The following GLIS3 variants were observed in gnomAD, a reference collection of about 807,000 sequenced individuals.
GLIS3 encodes zinc finger protein GLIS3.
GLIS3 carries 53 observed loss-of-function variants against 78.6 expected under a neutral mutation model. That is an observed-to-expected ratio of 0.67 (90% CI 0.54 to 0.85). GLIS3 has a LOEUF of 0.85. Among genes scored for constraint, GLIS3 ranks in the 40% least tolerant of loss-of-function variants. GLIS3 has a pLI of 0.00. For missense variants in GLIS3, 1,703 were observed against 1,231.1 expected (o/e 1.38, Z -5.74); for synonymous variants, 684 against 509.9 (o/e 1.34, Z -4.60).
At chr9:4,074,485 C>A (rs185499028) in intron 4 of GLIS3, among the ~76,000 whole-genome samples, 72 of 152,324 alleles carry the variant, frequency 4.7e-4, no homozygotes, top group Non-Finnish European at 8.8e-4. Context: ...CATCCCGGTT[C>A]TCCATCTCTT....
intron 2 of GLIS3, among the ~76,000 whole-genome samples, chr9:4,235,802 C>T (rs1163253640): frequency 6.6e-6 from 1 of 152,124 alleles, no homozygotes; most frequent in Non-Finnish European, 1.5e-5. Context: ...AATAACATGG[C>T]TGTGCTCTGG....
the GLIS3 span, among the ~76,000 whole-genome samples, chr9:4,400,964 A>G: frequency 6.6e-6 from 1 of 152,216 alleles, no homozygotes; most frequent in Non-Finnish European, 1.5e-5. Flanking sequence ...TGCTGGCCTC[A>G]GGGGAAACCT....
intron 4 of GLIS3, among the ~76,000 whole-genome samples, chr9:4,100,316 G>C (rs1338981135): frequency 6.6e-6 from 1 of 152,110 alleles, no homozygotes; most frequent in African/African-American, 2.4e-5. Flanking sequence ...ACCCTTACAT[G>C]CATTTTAGTC....
At chr9:4,306,047 T>A (rs10758599) in intron 4 of GLIS3, 152,234 of 152,368 alleles carry the variant, frequency 1, 76,050 homozygotes, top group Non-Finnish European at 1. Flanking sequence ...TATTATACTT[T>A]GCTTTTATGA....
At chr9:4,127,499 T>A (rs746263574) in intron 2 of GLIS3, among the ~76,000 whole-genome samples, 2 of 152,224 alleles carry the variant, frequency 1.3e-5, no homozygotes, top group Non-Finnish European at 2.9e-5. Flanking sequence ...TCGTAACTCA[T>A]AAAGCACTGT....
At chr9:4,238,835 T>C (rs1485197565) in intron 2 of GLIS3, among the ~76,000 whole-genome samples, 6 of 152,088 alleles carry the variant, frequency 3.9e-5, no homozygotes, top group South Asian at 2.1e-4. Flanking sequence ...TTAAGACTTT[T>C]GAAATGACCA....
the GLIS3 span, among the ~76,000 whole-genome samples, chr9:4,380,109 G>A: frequency 6.6e-6 from 1 of 152,160 alleles, no homozygotes; most frequent in Non-Finnish European, 1.5e-5. Flanking sequence ...AGCATTGTGG[G>A]ACAAGGTTTC....
At chr9:3,931,104 TTAAC>T (rs2130773695) in intron 6 of GLIS3, among the ~76,000 whole-genome samples, 1 of 152,290 alleles carries the variant, frequency 6.6e-6, no homozygotes, top group South Asian at 2.1e-4. Context: ...TTAAAGAAAT[TTAAC>T]TACATTTCTA....
intron 2 of GLIS3, among the ~76,000 whole-genome samples, chr9:4,334,420 C>T (rs755931256): frequency 3.9e-5 from 6 of 152,328 alleles, no homozygotes; most frequent in South Asian, 2.1e-4. Context: ...GGCAAGGAAG[C>T]TGGTCAGTGC....
chr9:4,290,974 C>T (rs760448596), intron 1 of GLIS3, among the ~76,000 whole-genome samples: 33 of 152,006 alleles, frequency 2.2e-4, no homozygotes, highest in Admixed American at 2.6e-4. Context: ...TTCTGTGGTT[C>T]CATAATTTTA....
intron 7 of GLIS3, among the ~76,000 whole-genome samples, chr9:3,889,887 C>A (rs1038234918): frequency 1.3e-5 from 2 of 152,208 alleles, no homozygotes; most frequent in African/African-American, 4.8e-5. Context: ...TTTGCTGATT[C>A]TCAGTGTAAT....
At chr9:4,119,859 A>C (rs1462769647) in intron 3 of GLIS3, among the ~76,000 whole-genome samples, 1 of 152,238 alleles carries the variant, frequency 6.6e-6, no homozygotes, top group Non-Finnish European at 1.5e-5. Flanking sequence ...TTGCCTTGAA[A>C]ATAAAAATCA....
the GLIS3 span, among the ~76,000 whole-genome samples, chr9:4,382,012 C>G: frequency 6.6e-6 from 1 of 151,712 alleles, no homozygotes; most frequent in Admixed American, 6.6e-5. Context: ...AGCTCCTCTT[C>G]AGTTTCATTC....
At chr9:3,866,140 T>A (rs1014477177) in intron 8 of GLIS3, among the ~76,000 whole-genome samples, 2 of 152,168 alleles carry the variant, frequency 1.3e-5, no homozygotes, top group African/African-American at 2.4e-5. Flanking sequence ...TTCATTCATT[T>A]CACAAAATTC....
chr9:4,167,073 G>C (rs1185518484), intron 2 of GLIS3, among the ~76,000 whole-genome samples: 1 of 152,206 alleles, frequency 6.6e-6, no homozygotes, highest in Non-Finnish European at 1.5e-5. Flanking sequence ...AGTAAAATCA[G>C]TTCATTTGGA....
chr9:4,460,415 G>C, the GLIS3 span, among the ~76,000 whole-genome samples: 2 of 152,114 alleles, frequency 1.3e-5, no homozygotes, highest in Admixed American at 6.6e-5. Context: ...AAGCATAATG[G>C]GTTACCATTA....
At chr9:4,470,703 A>T in the GLIS3 span, among the ~76,000 whole-genome samples, 32 of 152,106 alleles carry the variant, frequency 2.1e-4, no homozygotes, top group Non-Finnish European at 3.4e-4. Context: ...CAAGACAGGG[A>T]TGCCCTCTCT....
chr9:3,931,577 C>T (rs1490217796), intron 6 of GLIS3, among the ~76,000 whole-genome samples: 1 of 152,114 alleles, frequency 6.6e-6, no homozygotes, highest in Non-Finnish European at 1.5e-5. Context: ...ACTCACTGAT[C>T]CAAAAATGTA....
At chr9:4,275,602 T>TA (rs1826912832) in intron 2 of GLIS3, among the ~76,000 whole-genome samples, 3 of 129,932 alleles carry the variant, frequency 2.3e-5, no homozygotes, top group Non-Finnish European at 3.3e-5. Flanking sequence ...TCTACAAAAA[T>TA]TAAAAAAAAA....
Sources: allele counts gnomAD v4.1 joint callset (sites outside exome capture counted in the v4.1 genomes callset), GRCh38; gene constraint gnomAD v4.1.1; transcripts MANE v1.5; gene names NCBI Gene and HGNC (gene_info 2026-07-23, HGNC 2026-07-21).